Variants in TEX15 observed in about 807,000 individuals in gnomAD.
TEX15 encodes testis-expressed protein 15.
Under a neutral mutation model 237.3 loss-of-function variants are expected in TEX15, and 171 were observed. The ratio of observed to expected loss-of-function variants is 0.72; its 90% CI spans 0.64 to 0.82. The LOEUF (loss-of-function observed/expected upper bound fraction) is 0.82. Ranked by LOEUF, TEX15 falls within the 40% of genes least tolerant of loss-of-function variation. The probability of loss-of-function intolerance (pLI) is 0.00; values close to 1 mark genes in which losing one functional copy is unlikely to be tolerated. For synonymous variants in TEX15, 1,338 were observed against 1,269.8 expected (o/e 1.05, Z -1.14); for missense variants, 3,750 against 3,646.5 (o/e 1.03, Z -0.73).
At chr8:30,878,830 T>C (rs1808459005) in intron 3 of TEX15, among the ~76,000 whole-genome samples, 1 of 152,188 alleles carries the variant, frequency 6.6e-6, no homozygotes, top group African/African-American at 2.4e-5. Flanking sequence ...TGGCTGCATG[T>C]TTAGTTTTTA....
chr8:30,910,173 T>C (rs1404343569), intron 1 of TEX15, among the ~76,000 whole-genome samples: 1 of 139,884 alleles, frequency 7.1e-6, no homozygotes, highest in Admixed American at 7.2e-5. Context: ...TTCGGTACAA[T>C]AAAAAAAAAA....
At chr8:30,853,959 G>A (rs1327422821) in intron 7 of TEX15, among the ~76,000 whole-genome samples, 1 of 151,888 alleles carries the variant, frequency 6.6e-6, no homozygotes, top group Non-Finnish European at 1.5e-5. Context: ...TGAGATAAAT[G>A]AAAATTACAA....
Position 30,848,402 on chromosome 8 carries a change from A to T in TEX15, c.1765T>A (p.Leu589Ile), listed in dbSNP as rs368353494. 415 of 1,614,040 alleles carry T rather than the reference A, an allele frequency of 2.6e-4. No homozygotes were observed. The highest frequency in any genetic ancestry group is 3.3e-4 in the Non-Finnish European group (390 of 1,180,030). ...HIFQDSQSSD[L>I]KTIYQTGCQT... ...CAACCAGTCTGATAAATTGTTTTTA[A>T]ATCAGAAGACTGCGAGTCCTGAAAA... is the stretch of plus-strand genomic sequence containing the variant. Residue 589 changes from leucine to isoleucine, a missense_variant, in exon 8 of 11, where the codon TTA (leucine) becomes ATA (isoleucine). Physicochemically the swap from Leu to Ile is conservative, Grantham distance 5. Transcript: ENST00000643185.
intron 10 of TEX15, among the ~76,000 whole-genome samples, chr8:30,834,427 C>G (rs1457975770): frequency 6.6e-6 from 1 of 152,228 alleles, no homozygotes; most frequent in East Asian, 1.9e-4. Flanking sequence ...CTGCCTTGGC[C>G]TCCCAGAGTG....
intron 8 of TEX15, among the ~76,000 whole-genome samples, chr8:30,840,837 C>T (rs1807435240): frequency 6.6e-6 from 1 of 152,076 alleles, no homozygotes; most frequent in Non-Finnish European, 1.5e-5. Flanking sequence ...TAAGATATTC[C>T]ATAATCTGAA....
In TEX15 at chr8:30,874,926, T is replaced by C. The variant is rs556701089; in HGVS notation, c.302+11A>G. ...CAAAATCTCAAACACGTTTAGATCA[T>C]AGTAACTTACCTCTTAGCAGTAAAA... On this transcript the variant is annotated intron_variant, in intron 4 of 10. Transcript: ENST00000643185. 111 of 1,301,782 alleles carry C rather than the reference T, an allele frequency of 8.5e-5. No individual in the cohort carries two copies. The East Asian group carries it at 2.6e-3, about 30-fold the overall frequency. 80.6% of individuals were successfully genotyped at this position (1,301,782 alleles called of 1,614,324 possible). A position where few individuals can be genotyped will look rare whatever the true frequency, so the allele number is the denominator to read the frequency against.
At chr8:30,857,997 C>G (rs1013267188) in intron 7 of TEX15, among the ~76,000 whole-genome samples, 4 of 152,086 alleles carry the variant, frequency 2.6e-5, no homozygotes, top group Non-Finnish European at 5.9e-5. Context: ...AATACATATT[C>G]TATGGAAAAA....
chr8:30,887,966 C>G (rs1359714722), intron 2 of TEX15, among the ~76,000 whole-genome samples: 2 of 136,834 alleles, frequency 1.5e-5, no homozygotes, highest in East Asian at 4.5e-4. Context: ...CCTCGTAATT[C>G]ATGTAACTGC....
At chr8:30,849,948 AC>A (rs1263350605) in intron 7 of TEX15, among the ~76,000 whole-genome samples, 8 of 152,186 alleles carry the variant, frequency 5.3e-5, no homozygotes, top group African/African-American at 1.9e-4. Context: ...AGGAATAAAA[AC>A]ATTTTCCCAA....
In TEX15 at chr8:30,893,600, T is replaced by C. The variant is rs548302356; in HGVS notation, c.-10+5142A>G. On this transcript the variant is annotated intron_variant, in intron 2 of 10. Transcript: ENST00000643185. The stretch of plus-strand genomic sequence containing the variant: ...TAATATGATAAATTCTATTCTTTAG[T>C]AGACTTGCTGCCATCAGGCTTAATT... 3.3e-5 allele frequency among the ~76,000 whole-genome samples: 5 copies of C among 152,382 alleles called. No individual in the cohort carries two copies. In the East Asian group the frequency reaches 9.6e-4, roughly 29 times the overall value.
intron 1 of TEX15, among the ~76,000 whole-genome samples, chr8:30,905,435 C>T (rs946532043): frequency 6.6e-5 from 10 of 152,024 alleles, no homozygotes; most frequent in Non-Finnish European, 1.0e-4. Flanking sequence ...ATATTAAATA[C>T]CAGATCACCA....
chr8:30,897,311 A>G (rs1208569366), intron 2 of TEX15, among the ~76,000 whole-genome samples: 1 of 152,072 alleles, frequency 6.6e-6, no homozygotes, highest in Non-Finnish European at 1.5e-5. Context: ...GGCTCTATCT[A>G]CATTTTCTCT....
chr8:30,835,628 T>C (rs1807276303), intron 10 of TEX15, among the ~76,000 whole-genome samples: 1 of 152,196 alleles, frequency 6.6e-6, no homozygotes, highest in South Asian at 2.1e-4. Flanking sequence ...TGGTTATTTT[T>C]ATTTAAAGTA....
chr8:30,864,489 G>T (rs896984305), intron 5 of TEX15, among the ~76,000 whole-genome samples: 2 of 151,454 alleles, frequency 1.3e-5, no homozygotes, highest in African/African-American at 4.8e-5. Flanking sequence ...GCTAGAGCCT[G>T]GGAGTTTGAA....
intron 1 of TEX15, among the ~76,000 whole-genome samples, chr8:30,910,319 T>C (rs10094926): frequency 0.15 from 23,011 of 151,844 alleles, 3,228 homozygotes; most frequent in African/African-American, 0.37. Flanking sequence ...ACTAAAGCCA[T>C]ATACTAAAGC....
At chr8:30,857,552 C>T (rs536141303) in intron 7 of TEX15, among the ~76,000 whole-genome samples, 1 of 152,096 alleles carries the variant, frequency 6.6e-6, no homozygotes, top group South Asian at 2.1e-4. Context: ...TAAAAGAATT[C>T]CTACAAATCA....
intron 5 of TEX15, among the ~76,000 whole-genome samples, chr8:30,860,366 C>T (rs1258177850): frequency 6.6e-6 from 1 of 151,930 alleles, no homozygotes; most frequent in Non-Finnish European, 1.5e-5. Context: ...CCTGCCTTGG[C>T]CTCCCAAAGC....
At chr8:30,867,151 T>TA in intron 5 of TEX15, 114 bp downstream of exon 5, 1 of 415,788 alleles carries the variant, frequency 2.4e-6, no homozygotes, top group Non-Finnish European at 4.2e-6. Context: ...AATTATTACT[T>TA]ATTTAATAGA....
chr8:30,836,926 T>C lies in TEX15; in HGVS notation c.9358A>G (p.Ile3120Val). The change falls in exon 10 of 11, where the codon ATA (isoleucine) becomes GTA (valine). Residue 3120 changes from isoleucine to valine, a missense_variant. By Grantham distance (29) the Ile-to-Val change is conservative. Coordinates refer to ENST00000643185, the MANE Select transcript of TEX15 (RefSeq NM_001350162.2). ...GGCTGCCGAAAATTAGAAGCAGGTATTTGAGATTGAAAATACCCATTCACT... is the reference window on the plus strand; with the variant it reads ...GGCTGCCGAAAATTAGAAGCAGGTACTTGAGATTGAAAATACCCATTCACT... ...VPVNGYFQSQIPASNFRQPIF... is the reference protein window; with the variant it reads ...VPVNGYFQSQVPASNFRQPIF... 11 of 1,614,150 alleles carry C rather than the reference T, an allele frequency of 6.8e-6. No homozygotes were observed. Among genetic ancestry groups the C allele is most frequent in the Non-Finnish European group, 9.3e-6 (11 of 1,180,038 alleles).
Sources: gnomAD v4.1 joint callset for allele counts (sites outside exome capture counted in the v4.1 genomes callset) on GRCh38, gnomAD v4.1.1 for gene constraint, MANE v1.5 for transcripts, NCBI Gene and HGNC (gene_info 2026-07-23, HGNC 2026-07-21) for gene names.